Variants in NME6 observed in about 807,000 individuals in gnomAD.
NME6 encodes the protein NME/NM23 nucleoside diphosphate kinase 6.
Under a neutral mutation model 22.2 loss-of-function variants are expected in NME6, and 16 were observed. The observed-to-expected ratio is 0.72, with a 90% CI of 0.49 to 1.09. The LOEUF (loss-of-function observed/expected upper bound fraction) is 1.09, where lower values mean the gene tolerates loss of function less well. NME6 is among the 50% of genes least tolerant of loss of function. The probability of loss-of-function intolerance (pLI) is 0.00; values close to 1 mark genes in which losing one functional copy is unlikely to be tolerated. For synonymous variants in NME6, 58 were observed against 85.2 expected (o/e 0.68, Z 1.76); for missense variants, 229 against 239.0 (o/e 0.96, Z 0.28).
chr3:48,295,316 C>A, intron 4 of NME6, 81 bp from the exon 5 acceptor site: 3 of 1,437,308 alleles, frequency 2.1e-6, no homozygotes, highest in Non-Finnish European at 2.8e-6. Flanking sequence ...TGAATAAAAA[C>A]ACACTCTACG....
chr3:48,295,518 C>T (rs1575319423), intron 4 of NME6: 12 of 391,540 alleles, frequency 3.1e-5, no homozygotes, highest in Middle Eastern at 6.9e-4. Flanking sequence ...GCCCCAAACC[C>T]GTGTTTCTTC....
intron 3 of NME6, among the ~76,000 whole-genome samples, chr3:48,296,482 A>G (rs1234990096): frequency 1.3e-5 from 2 of 152,226 alleles, no homozygotes; most frequent in African/African-American, 2.4e-5. Flanking sequence ...CATTCACTAT[A>G]TGTTAACTAC....
At chr3:48,298,368 G>A in intron 2 of NME6, 59 bp downstream of exon 2, 1 of 1,447,384 alleles carries the variant, frequency 6.9e-7, no homozygotes, top group Non-Finnish European at 9.7e-7. Context: ...TGGCCCAATG[G>A]CACCTGAAGC....
downstream of NME6, chr3:48,291,130 T>C (rs916524159): frequency 6.5e-6 from 2 of 305,790 alleles, no homozygotes; most frequent in Non-Finnish European, 6.5e-6. Context: ...TTGCAGTATG[T>C]CTTATTTGGC....
rs894013158 is a variant in NME6 at position 48,293,218 on chromosome 3, C to T, written c.*1419G>A. Reference sequence around the variant, plus strand: ...ACTTCTCTTGAGTTTCCTTCGTGTCCTGAATTTTGGTTCTATATTGCCAGC... The same window carrying T: ...ACTTCTCTTGAGTTTCCTTCGTGTCTTGAATTTTGGTTCTATATTGCCAGC... On this transcript the variant is annotated 3_prime_UTR_variant, in exon 6 of 6. Coordinates refer to ENST00000442597, the MANE Select transcript of NME6 (RefSeq NM_001308426.2). The T allele has an allele frequency of 6.6e-6, 1 of 152,220 alleles. No homozygotes were observed. The highest frequency in any genetic ancestry group is 1.5e-5 in the Non-Finnish European group (1 of 68,052). The allele number at this position is 152,220 out of a possible 1,614,324, so 9.4% of individuals were successfully genotyped here. A position where few individuals can be genotyped will look rare whatever the true frequency, so the allele number is the denominator to read the frequency against.
At chr3:48,290,844 T>C (rs553266506), downstream of NME6, 45 of 206,800 alleles carry the variant, frequency 2.2e-4, no homozygotes, top group South Asian at 3.4e-3. Context: ...ATGTTGTATC[T>C]ATGGTTAGAA....
At chr3:48,298,240 C>A in intron 2 of NME6, 187 bp downstream of exon 2, 1 of 621,536 alleles carries the variant, frequency 1.6e-6, no homozygotes, top group South Asian at 1.9e-5. Context: ...TCCTTTCTTA[C>A]ATTTTAGGTC....
downstream of NME6, chr3:48,288,475 A>G (rs2034277505): frequency 1.3e-5 from 2 of 152,182 alleles, no homozygotes; most frequent in Admixed American, 1.3e-4. Flanking sequence ...AAGGAGCAAT[A>G]TGCCTGGTAC....
chr3:48,290,086 G>A (rs577455853), downstream of NME6, among the ~76,000 whole-genome samples: 44 of 150,488 alleles, frequency 2.9e-4, no homozygotes, highest in African/African-American at 1.1e-3. Context: ...TTTTTGAGAC[G>A]GGATCTCGCT....
intron 4 of NME6, 108 bp from the exon 5 acceptor site, chr3:48,295,343 G>T: frequency 1.6e-6 from 2 of 1,259,584 alleles, no homozygotes; most frequent in African/African-American, 1.5e-5. Context: ...GAGTTTTCCT[G>T]CCTTTCCAGC....
chr3:48,291,488 C>T (rs2034461022), downstream of NME6: 2 of 202,450 alleles, frequency 9.9e-6, no homozygotes, highest in Non-Finnish European at 2.0e-5. Context: ...TCAAGCAATC[C>T]TCCCACTTTG....
chr3:48,288,132 G>A (rs1451244779), downstream of NME6, among the ~76,000 whole-genome samples: 1 of 152,042 alleles, frequency 6.6e-6, no homozygotes, highest in Non-Finnish European at 1.5e-5. Context: ...TGTAATCCTA[G>A]CACTTTGAGA....
At position 48,293,606 on chromosome 3, in the gene NME6, C is replaced by T. The variant is rs1045414754; in HGVS notation, c.*1031G>A. The T allele has an allele frequency of 6.6e-6, 1 of 152,186 alleles. No individual in the cohort carries two copies. Among genetic ancestry groups the T allele is most frequent in the Non-Finnish European group, 1.5e-5 (1 of 68,056 alleles). 9.4% of individuals were successfully genotyped at this position (152,186 alleles called of 1,614,324 possible). On this transcript the variant is annotated 3_prime_UTR_variant, in exon 6 of 6. Transcript: ENST00000442597. ...TATAAAAGACTTTCCACCCTATCTC[C>T]TTCACCTCCTCACCCAGCCAAAGGA...
intron 1 of NME6, 31 bp downstream of exon 1, chr3:48,301,322 C>G: frequency 6.3e-7 from 1 of 1,588,368 alleles, no homozygotes; most frequent in Non-Finnish European, 8.6e-7. Flanking sequence ...TTCGGAGCCC[C>G]AGTGCAGCAG....
rs144390600 is a variant in NME6 at position 48,296,155 on chromosome 3, C to T, written c.197G>A (p.Arg66His). ...CTCCACCAGCCTCTGATAGAAAAAA[C>T]GCCCTGCAAAGAGAGAGGACCTTCA... The part of the protein sequence containing the change: ...CQRFYREHEG[R>H]FFYQRLVEFM... The change falls in exon 4 of 6, where the codon CGT (arginine) becomes CAT (histidine). Residue 66 changes from arginine (R) to histidine (H), a missense_variant. Arg to His is a conservative substitution (Grantham distance 29). Coordinates refer to ENST00000442597, the MANE Select transcript of NME6 (RefSeq NM_001308426.2). 38 of 1,614,024 alleles carry T rather than the reference C, an allele frequency of 2.4e-5. No individual in the cohort carries two copies. Among genetic ancestry groups the T allele is most frequent in the Middle Eastern group, 3.3e-4 (2 of 6,082 alleles).
chr3:48,288,662 C>A (rs1221435979), downstream of NME6: 1 of 151,890 alleles, frequency 6.6e-6, no homozygotes, highest in Non-Finnish European at 1.5e-5. Flanking sequence ...CTACTCTTTC[C>A]CCTTTCTCAC....
intron 4 of NME6, 160 bp from the exon 5 acceptor site, chr3:48,295,395 GCTGGTGTA>G: frequency 1.3e-6 from 1 of 766,190 alleles, no homozygotes; most frequent in Non-Finnish European, 2.1e-6. Context: ...CAGGGCCCCT[GCTGGTGTA>G]CATCAAGCCT....
downstream of NME6, chr3:48,291,206 T>G: frequency 2.7e-6 from 1 of 366,710 alleles, no homozygotes; most frequent in Non-Finnish European, 5.3e-6. Context: ...AGCTGTGTAA[T>G]ATATTGGAAA....
chr3:48,288,235 G>A (rs75731614), downstream of NME6, among the ~76,000 whole-genome samples: 3 of 151,806 alleles, frequency 2.0e-5, no homozygotes, highest in Admixed American at 6.6e-5. Flanking sequence ...ACAAAAATTC[G>A]TCCAGCATAA....
Sources: allele counts gnomAD v4.1 joint callset (sites outside exome capture counted in the v4.1 genomes callset), GRCh38; gene constraint gnomAD v4.1.1; transcripts MANE v1.5; gene names NCBI Gene and HGNC (gene_info 2026-07-23, HGNC 2026-07-21).